NPAT: variants seen among roughly 807,000 people sequenced by gnomAD.
The protein encoded by NPAT is protein NPAT.
A neutral mutation model predicts 130.7 loss-of-function variants in NPAT; 52 were observed. The observed-to-expected ratio is 0.40, with a 90% confidence interval of 0.32 to 0.50. The LOEUF is 0.50. Ranked by LOEUF, NPAT falls within the 20% of genes least tolerant of loss-of-function variation. NPAT has a pLI of 0.68. For missense variants in NPAT, 1,687 were observed against 1,662.6 expected (o/e 1.01, Z -0.26); for synonymous variants, 580 against 584.8 (o/e 0.99, Z 0.12).
At chr11:108,162,089 C>T in intron 16 of NPAT, 31 bp downstream of exon 16, 1 of 1,612,538 alleles carries the variant, frequency 6.2e-7, no homozygotes, top group Non-Finnish European at 8.5e-7. Flanking sequence ...AGCATTCAAA[C>T]AATCTATGAT....
In NPAT at chr11:108,186,542, C is replaced by T; in HGVS notation, c.666G>A (p.Leu222=). 6.2e-7 allele frequency: 1 copy of T among 1,613,958 alleles called. No individual in the cohort carries two copies. The highest frequency in any genetic ancestry group is 8.5e-7 in the Non-Finnish European group (1 of 1,179,898). Residue 222 remains leucine (L), a synonymous_variant, in exon 8 of 18, where the codon TTG becomes TTA. Transcript: ENST00000278612. ...TCCGTATTGTTGAATGAGGGCCAGA[C>T]AAAGTGGTACTTTTTCTCTGAGATT... ...KSESQRKSTT[L]SGPHSTIRNF...
intron 2 of NPAT, among the ~76,000 whole-genome samples, chr11:108,194,638 A>C (rs2078203002): frequency 6.6e-6 from 1 of 152,156 alleles, no homozygotes; most frequent in Non-Finnish European, 1.5e-5. Flanking sequence ...CTTCGTTGTC[A>C]CCAGTTTTTA....
chr11:108,176,486 T>C, intron 11 of NPAT, 112 bp from the exon 12 acceptor site: 13 of 798,670 alleles, frequency 1.6e-5, no homozygotes, highest in Non-Finnish European at 2.5e-5. Flanking sequence ...TAGGGTTTTA[T>C]GGATGTTTAA....
chr11:108,199,571 C>T (rs1199364112), intron 1 of NPAT, among the ~76,000 whole-genome samples: 1 of 151,828 alleles, frequency 6.6e-6, no homozygotes, highest in Admixed American at 6.6e-5. Context: ...CATTTTTTTT[C>T]CAAAAACGGA....
chr11:108,221,234 A>G (rs1418460555), intron 1 of NPAT, among the ~76,000 whole-genome samples: 1 of 152,164 alleles, frequency 6.6e-6, no homozygotes, highest in Non-Finnish European at 1.5e-5. Context: ...AGTGAATAGA[A>G]GCCAGGAATG....
At position 108,161,856 on chromosome 11, in the gene NPAT, T is replaced by C. The variant is rs1158508107; in HGVS notation, c.3230A>G (p.Gln1077Arg). ...GGACACCATCTTATGGTTTGGCCCC[T>C]GCGTATTTGCCACAGGAGCAGTAGT... ...DSTTAPVANT[Q>R]GPNHKMVSQN... The change falls in exon 17 of 18, where the codon CAG (glutamine) becomes CGG (arginine). Residue 1077 changes from glutamine to arginine, a missense_variant. Gln to Arg is a conservative substitution (Grantham distance 43). Around this residue, in one of 3 missense-constraint regions of NPAT, gnomAD observed 1,379 missense variants for 1,346.6 expected, o/e 1.02. Coordinates refer to ENST00000278612, the MANE Select transcript of NPAT (RefSeq NM_002519.3). The C allele has an allele frequency of 1.4e-5, 23 of 1,614,012 alleles. No homozygotes were observed. The highest frequency in any genetic ancestry group is 1.9e-5 in the Non-Finnish European group (23 of 1,180,036).
chr11:108,167,668 G>A (rs1157910065), intron 15 of NPAT, among the ~76,000 whole-genome samples: 1 of 152,164 alleles, frequency 6.6e-6, no homozygotes, highest in African/African-American at 2.4e-5. Context: ...CATACAGGGT[G>A]GGAATGAGTA....
intron 1 of NPAT, 86 bp downstream of exon 1, chr11:108,222,414 C>A: frequency 6.9e-7 from 1 of 1,440,376 alleles, no homozygotes; most frequent in Non-Finnish European, 9.7e-7. Context: ...CAAAGCTTCC[C>A]TACCAAGGGA....
At chr11:108,186,071 T>C (rs1034093794) in intron 8 of NPAT, among the ~76,000 whole-genome samples, 13 of 151,530 alleles carry the variant, frequency 8.6e-5, no homozygotes, top group Admixed American at 7.9e-4. Context: ...GGCTTGAGTG[T>C]AGTGGTATGA....
intron 2 of NPAT, 95 bp downstream of exon 2, chr11:108,197,207 A>G: frequency 1.1e-6 from 1 of 934,066 alleles, no homozygotes; most frequent in Non-Finnish European, 1.8e-6. Flanking sequence ...ATTTCTGCCA[A>G]TTTCAATTTT....
In NPAT at chr11:108,186,552, C is replaced by T. The variant is rs202140027; in HGVS notation, c.656G>A (p.Ser219Asn). The T allele has an allele frequency of 9.5e-5, 154 of 1,613,792 alleles. No individual in the cohort carries two copies. Among genetic ancestry groups the T allele is most frequent in the Middle Eastern group, 1.6e-4 (1 of 6,078 alleles). Reference protein sequence around the residue: ...GRRKSESQRKSTTLSGPHSTI... With the variant: ...GRRKSESQRKNTTLSGPHSTI... ...TGAATGAGGGCCAGACAAAGTGGTA[C>T]TTTTTCTCTGAGATTCACTGAAACA... The change falls in exon 8 of 18, where the codon AGT becomes AAT. Residue 219 changes from serine to asparagine, a missense_variant. Transcript: ENST00000278612.
chr11:108,215,614 A>C (rs2078429127), intron 1 of NPAT, among the ~76,000 whole-genome samples: 1 of 152,232 alleles, frequency 6.6e-6, no homozygotes, highest in Admixed American at 6.5e-5. Flanking sequence ...AACCAGGTCC[A>C]ACAGGTGAAA....
chr11:108,159,043 A>T, intron 17 of NPAT, 24 bp from the exon 18 acceptor site: 1 of 1,538,346 alleles, frequency 6.5e-7, no homozygotes, highest in Non-Finnish European at 8.9e-7. Context: ...GAAAGAAAAA[A>T]TAAACTCAAA....
intron 10 of NPAT, among the ~76,000 whole-genome samples, chr11:108,178,952 T>G (rs779349656): frequency 9.2e-5 from 14 of 152,204 alleles, no homozygotes; most frequent in African/African-American, 3.4e-4. Flanking sequence ...TTTGGAGATC[T>G]CACAGTTTCT....
rs575322629 is a variant in NPAT at position 108,169,790 on chromosome 11, A to T, written c.2964T>A (p.Pro988=). 2.7e-5 allele frequency: 43 copies of T among 1,613,860 alleles called. No individual in the cohort carries two copies. Among genetic ancestry groups the T allele is most frequent in the Non-Finnish European group, 3.5e-5 (41 of 1,179,858 alleles). The change falls in exon 15 of 18, where the codon CCT becomes CCA. Residue 988 remains proline (P), a synonymous_variant. Transcript: ENST00000278612. ...CNRSIPQFPV[P]PKSQKAQGLR... is the part of the protein sequence containing the mutation. ...GTCCCTGAGCCTTCTGAGATTTTGG[A>T]GGGACGGGGAATTGAGGGATACTTC...
chr11:108,181,820 A>G (rs2078061190), intron 10 of NPAT, among the ~76,000 whole-genome samples: 1 of 152,122 alleles, frequency 6.6e-6, no homozygotes, highest in African/African-American at 2.4e-5. Flanking sequence ...AATCTTCACT[A>G]AGAGGTTATT....
Position 108,190,577 on chromosome 11 carries a change from A to T in NPAT, c.291-77T>A. The T allele has an allele frequency of 5.3e-6, 7 of 1,328,334 alleles. 1 individual carries two copies. The South Asian group carries it at 8.3e-5, about 16-fold the overall frequency. The allele number at this position is 1,328,334 out of a possible 1,614,324, so 82.3% of individuals were successfully genotyped here. ...TCCACTATGATTTAGTTACAGTCAG[A>T]CCTCAAGTTAGTTATGAGGTAAAAG... On this transcript the variant is annotated intron_variant, in intron 4 of 17. Coordinates refer to ENST00000278612, the MANE Select transcript of NPAT (RefSeq NM_002519.3).
chr11:108,206,231 G>A (rs947161064), intron 1 of NPAT, among the ~76,000 whole-genome samples: 1 of 152,136 alleles, frequency 6.6e-6, no homozygotes, highest in Non-Finnish European at 1.5e-5. Context: ...GGATCCTTAG[G>A]GTGTCGCTTT....
At chr11:108,217,019 A>C (rs1591422150) in intron 1 of NPAT, among the ~76,000 whole-genome samples, 1 of 152,196 alleles carries the variant, frequency 6.6e-6, no homozygotes. Flanking sequence ...GAGAGAAAAA[A>C]ATCAATTTCT....
Sources: gnomAD v4.1 joint callset for allele counts (sites outside exome capture counted in the v4.1 genomes callset) on GRCh38, gnomAD v4.1.1 for gene constraint, gnomAD v4.1.1 regional missense constraint, MANE v1.5 for transcripts, NCBI Gene and HGNC (gene_info 2026-07-23, HGNC 2026-07-21) for gene names.